KIFC3: variants seen among roughly 807,000 people sequenced by gnomAD.
KIFC3 encodes kinesin-like protein KIFC3.
In KIFC3, 60 loss-of-function variants were observed where a neutral mutation model predicts 101.8. That is an observed-to-expected ratio of 0.59 (90% CI 0.48 to 0.73). The LOEUF (loss-of-function observed/expected upper bound fraction) is 0.73, where lower values mean the gene tolerates loss of function less well. Among genes scored for constraint, KIFC3 ranks in the 30% least tolerant of loss-of-function variants. The probability of loss-of-function intolerance (pLI) is 0.00; values close to 1 mark genes in which losing one functional copy is unlikely to be tolerated. For missense variants in KIFC3, 966 were observed against 1,137.1 expected (o/e 0.85, Z 2.16); for synonymous variants, 476 against 482.7 (o/e 0.99, Z 0.18).
chr16:57,805,994 C>G (rs2054927821), upstream of KIFC3, among the ~76,000 whole-genome samples: 1 of 152,160 alleles, frequency 6.6e-6, no homozygotes, highest in South Asian at 2.1e-4. Flanking sequence ...CCGCCTCAAC[C>G]TCCCAAAGTG....
chr16:57,857,822 C>CTTTTTTTTTTTTT (rs57102595), intron 1 of KIFC3, among the ~76,000 whole-genome samples: 1 of 92,782 alleles, frequency 1.1e-5, no homozygotes, highest in African/African-American at 5.4e-5. Flanking sequence ...TTCTTTCTTT[C>CTTTTTTTTTTTTT]TTTTTTTTTT....
intron 1 of KIFC3, among the ~76,000 whole-genome samples, chr16:57,860,282 C>T (rs555200650): frequency 2.6e-5 from 4 of 151,810 alleles, no homozygotes; most frequent in Admixed American, 1.3e-4. Flanking sequence ...GGTGAAACCC[C>T]GTCTCTACTA....
chr16:57,838,806 G>A (rs1048458814), intron 1 of KIFC3, among the ~76,000 whole-genome samples: 2 of 151,966 alleles, frequency 1.3e-5, no homozygotes, highest in Admixed American at 6.6e-5. Flanking sequence ...TACAGTCACC[G>A]CAAATCCCAT....
At chr16:57,799,754 A>C (rs1234198422) in intron 1 of KIFC3, among the ~76,000 whole-genome samples, 1 of 152,218 alleles carries the variant, frequency 6.6e-6, no homozygotes, top group Admixed American at 6.5e-5. Context: ...GGAAAGCTGC[A>C]GAAGGAAGCT....
chr16:57,773,230 G>A (rs951389511), intron 3 of KIFC3, among the ~76,000 whole-genome samples: 4 of 152,208 alleles, frequency 2.6e-5, no homozygotes, highest in Non-Finnish European at 5.9e-5. Context: ...ATTCCTGTGT[G>A]GTGGTTTAGG....
Position 57,758,532 on chromosome 16 carries a change from G to A in KIFC3, c.*402C>T, listed in dbSNP as rs528621821. The A allele has an allele frequency of 4.1e-5, 23 of 559,950 alleles. No homozygotes were observed. Among genetic ancestry groups the A allele is most frequent in the Admixed American group, 9.4e-5 (4 of 42,356 alleles). The allele number at this position is 559,950 out of a possible 1,614,324, so 34.7% of individuals were successfully genotyped here. A position where few individuals can be genotyped will look rare whatever the true frequency, so the allele number is the denominator to read the frequency against. On this transcript the variant is annotated 3_prime_UTR_variant, in exon 20 of 20. Transcript: ENST00000445690. Reference sequence around the variant, plus strand: ...TCTTGGGTCTGCCCAGAGGCTCCTCGCCCACCCCCTAAGGAGGGGGCTGGC... The same window carrying A: ...TCTTGGGTCTGCCCAGAGGCTCCTCACCCACCCCCTAAGGAGGGGGCTGGC...
Position 57,798,215 on chromosome 16 carries a change from A to T in KIFC3, c.29T>A (p.Leu10Gln). 6.5e-7 allele frequency: 1 copy of T among 1,548,408 alleles called. No homozygotes were observed. Among genetic ancestry groups the T allele is most frequent in the Non-Finnish European group, 8.7e-7 (1 of 1,146,932 alleles). The change falls in exon 2 of 20, where the codon CTG (leucine) becomes CAG (glutamine). Residue 10 changes from leucine (L) to glutamine (Q), a missense_variant. Coordinates refer to ENST00000445690, the MANE Select transcript of KIFC3 (RefSeq NM_001130100.2). The part of the protein sequence containing the change: MVPSRRTWN[L>Q]GATPSLRGLW... ...GCCCCGCAGCGAGGGCGTGGCTCCC[A>T]GGTTCCACGTCCTGCGAGAGGGGAC...
chr16:57,822,932 T>C (rs1555630120), intron 1 of KIFC3, among the ~76,000 whole-genome samples: 1 of 142,532 alleles, frequency 7.0e-6, no homozygotes, highest in African/African-American at 2.7e-5. Context: ...ATATTGGTTA[T>C]GTAAACCAAA....
intron 3 of KIFC3, among the ~76,000 whole-genome samples, chr16:57,773,090 CCT>C (rs1315846192): frequency 6.6e-6 from 1 of 152,206 alleles, no homozygotes; most frequent in Non-Finnish European, 1.5e-5. Flanking sequence ...CCCCCAGAAA[CCT>C]CTCTCAGGAA....
chr16:57,835,856 G>T (rs12920618), intron 1 of KIFC3, among the ~76,000 whole-genome samples: 5 of 152,116 alleles, frequency 3.3e-5, no homozygotes, highest in African/African-American at 1.2e-4. Context: ...AGGCTAAGGC[G>T]TGAAAATGGC....
intron 3 of KIFC3, among the ~76,000 whole-genome samples, chr16:57,786,490 G>T (rs1325819758): frequency 6.6e-6 from 1 of 151,648 alleles, no homozygotes; most frequent in East Asian, 1.9e-4. Flanking sequence ...TGCAGGTAGG[G>T]AGCAAAGAGT....
At chr16:57,824,686 G>A (rs1485228695) in intron 1 of KIFC3, among the ~76,000 whole-genome samples, 7 of 152,154 alleles carry the variant, frequency 4.6e-5, no homozygotes, top group African/African-American at 1.7e-4. Flanking sequence ...CTGTCTCAAA[G>A]AAAAACAAAA....
intron 11 of KIFC3, among the ~76,000 whole-genome samples, chr16:57,765,026 G>A (rs868911219): frequency 2.6e-5 from 4 of 151,400 alleles, no homozygotes; most frequent in Non-Finnish European, 3.0e-5. Flanking sequence ...CTGAATGGGA[G>A]GACCCAAAGC....
Position 57,771,257 on chromosome 16 carries a change from G to A in KIFC3, c.706C>T (p.Arg236Cys), listed in dbSNP as rs1176724507. The A allele has an allele frequency of 6.8e-6, 11 of 1,613,228 alleles. No homozygotes were observed. The highest frequency in any genetic ancestry group is 6.7e-5 in the East Asian group (3 of 44,884). ...KAQEEERLSR[R>C]LRDSHETIAS... ...ATGGTCTCGTGGCTGTCACGCAGGC[G>A]CCGACTAAGCCGCTCCTCCTCCTGT... is the stretch of plus-strand genomic sequence containing the variant. Residue 236 changes from arginine (R) to cysteine (C), a missense_variant, in exon 6 of 20, where the codon CGC (arginine) becomes TGC (cysteine). Around this residue, in one of 2 missense-constraint regions of KIFC3, gnomAD observed 689 missense variants for 884.6 expected, o/e 0.78. Coordinates refer to ENST00000445690, the MANE Select transcript of KIFC3 (RefSeq NM_001130100.2).
chr16:57,831,411 G>A (rs148458495), intron 1 of KIFC3, among the ~76,000 whole-genome samples: 16 of 152,368 alleles, frequency 1.1e-4, no homozygotes, highest in African/African-American at 3.1e-4. Flanking sequence ...TTAAGGCAGC[G>A]GCTCATGCCT....
chr16:57,815,747 C>T (rs2055205867), intron 1 of KIFC3: 1 of 1,013,238 alleles, frequency 9.9e-7, no homozygotes, highest in Non-Finnish European at 1.3e-6. Flanking sequence ...CATGGCTTGT[C>T]CCACGGCCAA....
chr16:57,775,535 T>C (rs1555611322), intron 3 of KIFC3: 2 of 986,368 alleles, frequency 2.0e-6, no homozygotes, highest in Non-Finnish European at 2.4e-6. Context: ...CGGAGGCACC[T>C]GGGGAAAGCG....
intron 3 of KIFC3, chr16:57,775,951 G>A: frequency 1.0e-6 from 1 of 985,518 alleles, no homozygotes; most frequent in South Asian, 4.7e-5. Flanking sequence ...CTGCTCAAGG[G>A]GAAGAGGGAG....
Position 57,760,284 on chromosome 16 carries a change from C to A in KIFC3, c.2365G>T (p.Glu789Ter). The change falls in exon 17 of 20, where the codon GAG (glutamate) becomes TAG (stop). Residue 789 changes from glutamate (E) to a stop codon, truncating the protein, a stop_gained and splice_region_variant. Transcript: ENST00000445690. LOFTEE classifies it high-confidence loss of function. ...CAGGCCTGTGACAGTCCCCGTACCT[C>A]TAGATGCTCCTGGCTTGACCAGGAC... ...LGSWSSQEHL[E>*]WEPACQTPQP... The A allele has an allele frequency of 6.2e-7, 1 of 1,612,296 alleles. No individual in the cohort carries two copies. The highest frequency in any genetic ancestry group is 8.5e-7 in the Non-Finnish European group (1 of 1,178,902).
Sources: gnomAD v4.1 joint callset for allele counts (sites outside exome capture counted in the v4.1 genomes callset) on GRCh38, gnomAD v4.1.1 for gene constraint, gnomAD v4.1.1 regional missense constraint, MANE v1.5 for transcripts, NCBI Gene and HGNC (gene_info 2026-07-23, HGNC 2026-07-21) for gene names.